MYO9B: variants seen among roughly 807,000 people sequenced by gnomAD.
The protein encoded by MYO9B is myosin IXB, also known as unconventional myosin-IXb.
In MYO9B, 71 loss-of-function variants were observed where a neutral mutation model predicts 229.5. The observed-to-expected ratio is 0.31, with a 90% confidence interval of 0.26 to 0.38. MYO9B has a LOEUF of 0.38. MYO9B is among the 10% of genes least tolerant of loss of function. The pLI, the probability that MYO9B is intolerant of heterozygous loss-of-function variation, is 1.00. For synonymous variants in MYO9B, 1,185 were observed against 1,235.8 expected, an observed-to-expected ratio of 0.96 and a Z score of 0.86; for missense variants, 2,255 against 2,920.5, an observed-to-expected ratio of 0.77 and a Z score of 5.25.
chr19:17,120,338 ATTAT>A lies in MYO9B; in HGVS notation c.840+17785_840+17788del, dbSNP rs916988332. Among the ~76,000 whole-genome samples, 148 of 152,272 alleles carry A rather than the reference ATTAT, an allele frequency of 9.7e-4. 1 individual carries two copies. The highest frequency in any genetic ancestry group is 2.4e-3 in the Admixed American group (37 of 15,278). On this transcript the variant is annotated intron_variant, in intron 2 of 39. Transcript: ENST00000682292. ...TCAGAGCAGATTGGATTCAAAGGAG[ATTAT>A]TTAGCCATAAAAAGGAATGAAGGGC... is the stretch of plus-strand genomic sequence containing the variant.
chr19:17,162,358 T>C lies in MYO9B; in HGVS notation c.1428T>C (p.Thr476=). Reference sequence around the variant, plus strand: ...CCCCTCTGTGTCCACAGGCCATCACTGCCCGCGACTCCATGGCCAAGTCTC... The same window carrying C: ...CCCCTCTGTGTCCACAGGCCATCACCGCCCGCGACTCCATGGCCAAGTCTC... ...ILPYSLSEAI[T]ARDSMAKSLY... is the part of the protein sequence containing the mutation. The change falls in exon 9 of 40, where the codon ACT becomes ACC. Residue 476 remains threonine, a synonymous_variant. Coordinates refer to ENST00000682292, the MANE Select transcript of MYO9B (RefSeq NM_004145.4). The C allele has an allele frequency of 6.4e-7, 1 of 1,574,312 alleles. No individual in the cohort carries two copies. The highest frequency in any genetic ancestry group is 1.2e-5 in the South Asian group (1 of 85,382).
At chr19:17,187,371 C>T (rs2072929831) in intron 18 of MYO9B, among the ~76,000 whole-genome samples, 1 of 152,108 alleles carries the variant, frequency 6.6e-6, no homozygotes, top group South Asian at 2.1e-4. Flanking sequence ...GAATCCCCAG[C>T]ACTTACCCCA....
At chr19:17,170,832 A>T (rs80161257) in intron 11 of MYO9B, among the ~76,000 whole-genome samples, 5 of 14,974 alleles carry the variant, frequency 3.3e-4, no homozygotes, top group African/African-American at 1.3e-3. Context: ...TCTAAAAATT[A>T]AAAAAAAAAA....
intron 20 of MYO9B, among the ~76,000 whole-genome samples, 170 bp from the exon 21 acceptor site, chr19:17,192,576 C>CA (rs1206415044): frequency 6.6e-6 from 1 of 150,568 alleles, no homozygotes; most frequent in Non-Finnish European, 1.5e-5. Context: ...GCCTGGGCGA[C>CA]AGAGTGAGAC....
intron 2 of MYO9B, among the ~76,000 whole-genome samples, chr19:17,139,516 A>G (rs913078857): frequency 1.3e-5 from 2 of 152,158 alleles, no homozygotes; most frequent in African/African-American, 2.4e-5. Flanking sequence ...AGGCCAAAGT[A>G]TGCAGATTGC....
In MYO9B at chr19:17,075,838, C is replaced by A. The variant is rs1376279254; in HGVS notation, c.-95C>A. The stretch of plus-strand genomic sequence containing the variant: ...GCAGGCGGTCGTCCGGCCGGGGACC[C>A]GGCCCGGGACCGGCGGCGCGCGGCG... On this transcript the variant is annotated 5_prime_UTR_variant, in exon 1 of 40. Coordinates refer to ENST00000682292, the MANE Select transcript of MYO9B (RefSeq NM_004145.4). 2 of 150,346 alleles carry A rather than the reference C, an allele frequency of 1.3e-5. No individual in the cohort carries two copies. The highest frequency in any genetic ancestry group is 1.8e-4 in the South Asian group (1 of 5,612). 9.3% of individuals were successfully genotyped at this position (150,346 alleles called of 1,614,324 possible).
intron 2 of MYO9B, among the ~76,000 whole-genome samples, chr19:17,105,736 C>A (rs967676819): frequency 3.3e-5 from 5 of 152,076 alleles, no homozygotes; most frequent in African/African-American, 1.2e-4. Flanking sequence ...TCACTGAAAT[C>A]ACATCTAAGC....
rs372771002 is a variant in MYO9B, at chr19:17,101,801, C to T, written c.84C>T (p.Thr28=). ...HLHIYPQLST[T]ESQASCRVTA... ...ACATCTACCCCCAGCTGTCCACCAC[C>T]GAGAGCCAGGCCTCGTGCCGCGTGA... The change falls in exon 2 of 40, where the codon ACC becomes ACT. Residue 28 remains threonine, a synonymous_variant. Coordinates refer to ENST00000682292, the MANE Select transcript of MYO9B (RefSeq NM_004145.4). This position sits in a 1 kb window ranked among gnomAD's most constrained non-coding sequence, Gnocchi z 4.7. 20 of 1,605,760 alleles carry T rather than the reference C, an allele frequency of 1.2e-5. No individual in the cohort carries two copies. Among genetic ancestry groups the T allele is most frequent in the African/African-American group, 2.7e-5 (2 of 74,820 alleles).
At chr19:17,179,470 AGGCTGGAGTGCAGTGGTGCGATCTCGG>A (rs1227048821) in intron 14 of MYO9B, among the ~76,000 whole-genome samples, 2 of 128,674 alleles carry the variant, frequency 1.6e-5, no homozygotes, top group East Asian at 4.6e-4. Flanking sequence ...TCTGTTGCCC[AGGCTGGAGTGCAGTGGTGCGATCTCGG>A]CTCACTACAA....
At chr19:17,085,834 G>A (rs554512983) in intron 1 of MYO9B, among the ~76,000 whole-genome samples, 1 of 152,102 alleles carries the variant, frequency 6.6e-6, no homozygotes, top group East Asian at 1.9e-4. Flanking sequence ...CGGGCGTGAC[G>A]ACAGATGAGC....
intron 1 of MYO9B, among the ~76,000 whole-genome samples, chr19:17,085,513 G>A (rs2057573728): frequency 6.6e-6 from 1 of 152,068 alleles, no homozygotes; most frequent in African/African-American, 2.4e-5. Context: ...AAGGTACAGG[G>A]TTTCTTTTTA....
chr19:17,174,952 A>ATTT (rs768953342), intron 13 of MYO9B, among the ~76,000 whole-genome samples: 1 of 151,288 alleles, frequency 6.6e-6, no homozygotes, highest in Non-Finnish European at 1.5e-5. Context: ...AAATAAATAA[A>ATTT]TAATAAATTA....
At chr19:17,148,412 C>G (rs2072439773) in intron 3 of MYO9B, among the ~76,000 whole-genome samples, 1 of 152,176 alleles carries the variant, frequency 6.6e-6, no homozygotes, top group Admixed American at 6.6e-5. Flanking sequence ...ATTCTCTTAT[C>G]ATCCCAGAGG....
chr19:17,191,317 A>C, intron 20 of MYO9B, 98 bp downstream of exon 20: 6 of 1,372,114 alleles, frequency 4.4e-6, no homozygotes, highest in East Asian at 2.5e-5. Context: ...TCTGAAACAT[A>C]CAGGGCTCTG....
Position 17,181,003 on chromosome 19 carries a change from T to G in MYO9B, c.2296T>G (p.Ser766Ala). ...QGEDPRSLLQ[S>A]LSRLQKPRAF... The stretch of plus-strand genomic sequence containing the variant: ...CGAGGACCCCCGTAGCCTTCTCCAG[T>G]CCCTCAGTCGGCTCCAGAAACCCCG... Residue 766 changes from serine to alanine, a missense_variant, in exon 15 of 40, where the codon TCC (serine) becomes GCC (alanine). Ser to Ala is a moderately conservative substitution (Grantham distance 99). Coordinates refer to ENST00000682292, the MANE Select transcript of MYO9B (RefSeq NM_004145.4). 1 of 1,610,626 alleles carries G rather than the reference T, an allele frequency of 6.2e-7. No homozygotes were observed. The highest frequency in any genetic ancestry group is 8.5e-7 in the Non-Finnish European group (1 of 1,178,640).
At chr19:17,198,347 G>A (rs1310775080) in intron 24 of MYO9B, 39 bp downstream of exon 24, 1 of 1,609,668 alleles carries the variant, frequency 6.2e-7, no homozygotes, top group South Asian at 1.1e-5. Flanking sequence ...GCCACCAGAG[G>A]ATGCCCGGGG....
rs59741893 is a variant in MYO9B at position 17,121,444 on chromosome 19, A to AATATATATATATATATATAT, written c.840+18888_840+18907dup. ...ACACTTACAGCAGATATGTATTCCA[A>AATATATATATATATATATAT]ATATATATATATATATATATCCAAG... On this transcript the variant is annotated intron_variant, in intron 2 of 39. Transcript: ENST00000682292. Among the ~76,000 whole-genome samples, 155 of 142,582 alleles carry AATATATATATATATATATAT rather than the reference A, an allele frequency of 1.1e-3. 2 individuals carry two copies. The highest frequency in any genetic ancestry group is 3.3e-3 in the African/African-American group (125 of 38,268). 93.5% of individuals were successfully genotyped at this position (142,582 alleles called of 152,430 possible).
intron 2 of MYO9B, among the ~76,000 whole-genome samples, chr19:17,106,538 C>G (rs191815797): frequency 6.6e-6 from 1 of 152,204 alleles, no homozygotes; most frequent in Non-Finnish European, 1.5e-5. Flanking sequence ...TGCCAGTGGC[C>G]CCAGTGTCCT....
In MYO9B at chr19:17,119,552, A is replaced by G. The variant is rs114793551; in HGVS notation, c.840+16995A>G. On this transcript the variant is annotated intron_variant, in intron 2 of 39. Coordinates refer to ENST00000682292, the MANE Select transcript of MYO9B (RefSeq NM_004145.4). ...CTGGAACTGCCACGTAAAGAAAAGC[A>G]GAGATGCCCCGTGGTTCATACCTGT... 3.6e-3 allele frequency among the ~76,000 whole-genome samples: 545 copies of G among 152,342 alleles called. 2 individuals are homozygous for G. The highest frequency in any genetic ancestry group is 0.013 in the African/African-American group (521 of 41,580).
Sources: gnomAD v4.1 joint callset for allele counts (sites outside exome capture counted in the v4.1 genomes callset) on GRCh38, gnomAD v4.1.1 for gene constraint, Gnocchi (gnomAD v3.1) non-coding constraint, MANE v1.5 for transcripts, NCBI Gene and HGNC (gene_info 2026-07-23, HGNC 2026-07-21) for gene names.